The following PCDHA9 variants were observed in gnomAD, a reference collection of about 807,000 sequenced individuals.
The protein encoded by PCDHA9 is protocadherin alpha-9.
A neutral mutation model predicts 62.0 loss-of-function variants in PCDHA9; 62 were observed. That is an observed-to-expected ratio of 1.00 (90% CI 0.81 to 1.23). The LOEUF (loss-of-function observed/expected upper bound fraction) is 1.23. Among genes scored for constraint, PCDHA9 ranks in the 50% most tolerant of loss-of-function variants. The probability of loss-of-function intolerance (pLI) is 0.00; values close to 1 mark genes in which losing one functional copy is unlikely to be tolerated. For synonymous variants in PCDHA9, 557 were observed against 567.6 expected (o/e 0.98, Z 0.27); for missense variants, 1,205 against 1,249.8 (o/e 0.96, Z 0.54).
chr5:140,904,939 T>G (rs1418494936), intron 1 of PCDHA9, among the ~76,000 whole-genome samples: 3 of 152,254 alleles, frequency 2.0e-5, no homozygotes, highest in Admixed American at 2.0e-4. Flanking sequence ...TTCTGGATAT[T>G]AGTCCTTTGT....
chr5:140,865,458 GA>G (rs1462092731), intron 1 of PCDHA9: 4 of 152,192 alleles, frequency 2.6e-5, no homozygotes, highest in African/African-American at 9.6e-5. Flanking sequence ...TGATTTCTAT[GA>G]AGATAAACAT....
Position 140,996,044 on chromosome 5 carries a change from A to G in PCDHA9, c.2542+13481A>G, listed in dbSNP as rs569475149. Among the ~76,000 whole-genome samples, 13 of 152,366 alleles carry G rather than the reference A, an allele frequency of 8.5e-5. No homozygotes were observed. The South Asian group carries it at 1.9e-3, about 22-fold the overall frequency. Reference sequence around the variant, plus strand: ...GTTTAATGCTCCTAGCACTTAACACAGTGCTTGGCACACAGTAAAGAGGAT... The same window carrying G: ...GTTTAATGCTCCTAGCACTTAACACGGTGCTTGGCACACAGTAAAGAGGAT... On this transcript the variant is annotated intron_variant, in intron 3 of 3. Coordinates refer to ENST00000532602, the MANE Select transcript of PCDHA9 (RefSeq NM_031857.2).
chr5:140,871,823 C>T (rs900166925), intron 1 of PCDHA9, among the ~76,000 whole-genome samples: 1 of 152,144 alleles, frequency 6.6e-6, no homozygotes, highest in African/African-American at 2.4e-5. Context: ...TACCCATGCC[C>T]CTTCATCTCT....
chr5:140,917,370 C>G (rs571895312), intron 1 of PCDHA9, among the ~76,000 whole-genome samples: 24 of 150,458 alleles, frequency 1.6e-4, no homozygotes, highest in African/African-American at 5.8e-4. Context: ...CTATCTTGCT[C>G]CACCTCAATA....
chr5:140,894,852 T>C (rs1366360589), intron 1 of PCDHA9, among the ~76,000 whole-genome samples: 2 of 152,200 alleles, frequency 1.3e-5, no homozygotes, highest in African/African-American at 2.4e-5. Flanking sequence ...CATTTTTATA[T>C]GAAAAGTGCT....
At chr5:140,875,820 T>C (rs2055843364) in intron 1 of PCDHA9, 1 of 1,613,978 alleles carries the variant, frequency 6.2e-7, no homozygotes, top group African/African-American at 1.3e-5. Flanking sequence ...CGCTGCAGGT[T>C]TTCCATGTGG....
Position 140,849,589 on chromosome 5 carries a change from T to C in PCDHA9, c.1094T>C (p.Leu365Pro), listed in dbSNP as rs2150441752. Residue 365 changes from leucine to proline, a missense_variant, in exon 1 of 4, where the codon CTG becomes CCG. By Grantham distance (98) the Leu-to-Pro change is moderately conservative (BLOSUM62 -3). Around this residue, in one of 3 missense-constraint regions of PCDHA9, gnomAD observed 887 missense variants for 809.5 expected, o/e 1.10. Transcript: ENST00000532602. The stretch of plus-strand genomic sequence containing the variant: ...GTTCCTGTAAAAGAGGACGCACAAC[T>C]GGGGACAGTTATTGCCCTGATTAGT... ...LSVPVKEDAQ[L>P]GTVIALISVI... 3.8e-6 allele frequency: 6 copies of C among 1,598,582 alleles called. No individual in the cohort carries two copies. The Admixed American group carries it at 6.7e-5, about 18-fold the overall frequency.
At chr5:140,927,290 T>C in intron 1 of PCDHA9, 1 of 1,614,054 alleles carries the variant, frequency 6.2e-7, no homozygotes, top group South Asian at 1.1e-5. Flanking sequence ...CAGCTGCACA[T>C]CCCCGAGTTC....
chr5:140,934,703 A>G (rs1348150058), intron 1 of PCDHA9, among the ~76,000 whole-genome samples: 1 of 152,156 alleles, frequency 6.6e-6, no homozygotes, highest in Non-Finnish European at 1.5e-5. Flanking sequence ...ATTCCTGGCC[A>G]TCTTACAAAA....
intron 1 of PCDHA9, chr5:140,876,229 GA>G: frequency 1.9e-6 from 3 of 1,613,978 alleles, no homozygotes; most frequent in Non-Finnish European, 2.5e-6. Context: ...AGTGTTGTCT[GA>G]AAATGTCCAA....
At position 140,857,211 on chromosome 5, in the gene PCDHA9, T is replaced by C; in HGVS notation, c.2394+6322T>C. 5 of 1,598,632 alleles carry C rather than the reference T, an allele frequency of 3.1e-6. 1 individual carries two copies. Among genetic ancestry groups the C allele is most frequent in the Non-Finnish European group, 4.3e-6 (5 of 1,167,976 alleles). On this transcript the variant is annotated intron_variant, in intron 1 of 3. Coordinates refer to ENST00000532602, the MANE Select transcript of PCDHA9 (RefSeq NM_031857.2). ...GCCAACGGACAGGTCACCTGCTCTCTGACGCCTCACGTTCCGTTCAAGCTG... is the reference window on the plus strand; with the variant it reads ...GCCAACGGACAGGTCACCTGCTCTCCGACGCCTCACGTTCCGTTCAAGCTG...
intron 1 of PCDHA9, chr5:140,858,026 G>A (rs2045118018): frequency 6.3e-7 from 1 of 1,597,020 alleles, no homozygotes; most frequent in Non-Finnish European, 8.6e-7. Context: ...GTCGCTGACG[G>A]CCACGGCCAC....
In PCDHA9 at chr5:140,848,546, G is replaced by A; in HGVS notation, c.51G>A (p.Ser17=). ...GDPEGQPLLL[S]LLILAMWVVG... ...CAGAGGGTCAGCCTCTACTGCTCTC[G>A]CTTCTGATCCTCGCAATGTGGGTGG... is the stretch of plus-strand genomic sequence containing the variant. The change falls in exon 1 of 4, where the codon TCG becomes TCA. Residue 17 remains serine (S), a synonymous_variant. Coordinates refer to ENST00000532602, the MANE Select transcript of PCDHA9 (RefSeq NM_031857.2). 1 of 1,595,440 alleles carries A rather than the reference G, an allele frequency of 6.3e-7. No individual in the cohort carries two copies. Among genetic ancestry groups the A allele is most frequent in the Non-Finnish European group, 8.6e-7 (1 of 1,165,466 alleles).
intron 1 of PCDHA9, chr5:140,871,625 ATGTC>A (rs1304722830): frequency 2.1e-6 from 3 of 1,403,018 alleles, no homozygotes; most frequent in Non-Finnish European, 2.8e-6. Context: ...TTAGATAACA[ATGTC>A]TGTTCATAAA....
intron 1 of PCDHA9, among the ~76,000 whole-genome samples, chr5:140,895,520 A>G (rs1053295495): frequency 6.6e-6 from 1 of 152,116 alleles, no homozygotes; most frequent in South Asian, 2.1e-4. Context: ...TAATTGGTTT[A>G]TTCGTTTTTC....
At position 141,010,632 on chromosome 5, in the gene PCDHA9, A is replaced by G. The variant is rs782191972; in HGVS notation, c.*695A>G. The G allele has an allele frequency of 1.6e-5, 3 of 185,902 alleles. No individual in the cohort carries two copies. Among genetic ancestry groups the G allele is most frequent in the Non-Finnish European group, 3.4e-5 (3 of 88,214 alleles). The allele number at this position is 185,902 out of a possible 1,614,324, so 11.5% of individuals were successfully genotyped here. On this transcript the variant is annotated 3_prime_UTR_variant, in exon 4 of 4. Coordinates refer to ENST00000532602, the MANE Select transcript of PCDHA9 (RefSeq NM_031857.2). ...ACCTAAAATCTGCATCATACCTGCAAGCCAACAGTTCAGTGTTTTAACAGA... is the reference window on the plus strand; with the variant it reads ...ACCTAAAATCTGCATCATACCTGCAGGCCAACAGTTCAGTGTTTTAACAGA...
Position 140,852,527 on chromosome 5 carries a change from C to T in PCDHA9, c.2394+1638C>T, listed in dbSNP as rs184052538. The T allele has an allele frequency of 1.0e-4, 41 of 393,270 alleles. 2 individuals are homozygous for T. Among genetic ancestry groups the T allele is most frequent in the African/African-American group, 6.6e-4 (30 of 45,558 alleles). 24.4% of individuals were successfully genotyped at this position (393,270 alleles called of 1,614,324 possible). A position where few individuals can be genotyped will look rare whatever the true frequency, so the allele number is the denominator to read the frequency against. On this transcript the variant is annotated intron_variant, in intron 1 of 3. Transcript: ENST00000532602. ...TCCTGACCTTGTGATGCTCCCACCT[C>T]GGCCTCCCAAAGTGCTGGGATTAAA...
chr5:140,891,708 C>A (rs1422243783), intron 1 of PCDHA9, among the ~76,000 whole-genome samples: 1 of 152,182 alleles, frequency 6.6e-6, no homozygotes, highest in Middle Eastern at 3.4e-3. Flanking sequence ...TGAATTTGTA[C>A]CCCCAAATTC....
At chr5:140,882,105 A>G in intron 1 of PCDHA9, 1 of 1,349,526 alleles carries the variant, frequency 7.4e-7, no homozygotes, top group Admixed American at 2.5e-5. Flanking sequence ...GTTTCCGCGA[A>G]GAAAGCCGCC....
Sources: gnomAD v4.1 joint callset for allele counts (sites outside exome capture counted in the v4.1 genomes callset) on GRCh38, gnomAD v4.1.1 for gene constraint, gnomAD v4.1.1 regional missense constraint, MANE v1.5 for transcripts, NCBI Gene and HGNC (gene_info 2026-07-23, HGNC 2026-07-21) for gene names.